WT1: variants seen among roughly 807,000 people sequenced by gnomAD.
The protein encoded by WT1 is Wilms tumor protein.
WT1 carries 8 observed loss-of-function variants against 60.8 expected under a neutral mutation model. The ratio of observed to expected loss-of-function variants is 0.13; its 90% CI spans 0.08 to 0.24. WT1 has a LOEUF of 0.24. WT1 is among the 10% of genes least tolerant of loss of function. The pLI is 1.00. For synonymous variants in WT1, 312 were observed against 297.1 expected, an observed-to-expected ratio of 1.05 and a Z score of -0.52; for missense variants, 568 against 711.8, an observed-to-expected ratio of 0.80 and a Z score of 2.30.
At chr11:32,428,105 CG>C (rs1853124386) in intron 2 of WT1, 47 bp from the exon 3 acceptor site, 2 of 1,522,400 alleles carry the variant, frequency 1.3e-6, no homozygotes, top group Non-Finnish European at 8.9e-7. Flanking sequence ...CCCAAGGGCT[CG>C]GGGTGCGAGG....
intron 7 of WT1, among the ~76,000 whole-genome samples, chr11:32,393,045 T>C (rs559778022): frequency 1.5e-4 from 22 of 151,664 alleles, no homozygotes; most frequent in African/African-American, 5.1e-4. Flanking sequence ...CCAACAACTT[T>C]AAAGGATTTA....
At chr11:32,407,488 G>A (rs563633659) in intron 5 of WT1, among the ~76,000 whole-genome samples, 16 of 152,208 alleles carry the variant, frequency 1.1e-4, no homozygotes, top group African/African-American at 3.4e-4. Context: ...GGGGAATTTC[G>A]GCCTGTCATT....
At position 32,391,956 on chromosome 11, in the gene WT1, A is replaced by G; in HGVS notation, c.1447+16T>C. 6.2e-7 allele frequency: 1 copy of G among 1,609,814 alleles called. No homozygotes were observed. Among genetic ancestry groups the G allele is most frequent in the African/African-American group, 1.3e-5 (1 of 74,952 alleles). ...AAAAAATAATGAAAAATAAATGTGA[A>G]GAAAAGTTTACGCACTTGTTTTACC... On this transcript the variant is annotated intron_variant, in intron 9 of 9. Coordinates refer to ENST00000452863, the MANE Select transcript of WT1 (RefSeq NM_024426.6).
intron 3 of WT1, among the ~76,000 whole-genome samples, chr11:32,425,644 A>C (rs1200945114): frequency 6.6e-6 from 1 of 152,198 alleles, no homozygotes. Flanking sequence ...TGGAGCTTTC[A>C]AGATCCAGAC....
At chr11:32,391,886 T>C in intron 9 of WT1, 86 bp downstream of exon 9, 1 of 1,391,052 alleles carries the variant, frequency 7.2e-7, no homozygotes, top group African/African-American at 1.4e-5. Context: ...TTTACACTAG[T>C]CTTTTCCAAT....
intron 6 of WT1, 64 bp from the exon 7 acceptor site, chr11:32,396,471 G>A (rs1851979450): frequency 8.8e-6 from 14 of 1,599,708 alleles, no homozygotes; most frequent in Non-Finnish European, 1.2e-5. Context: ...CGTAGGTCTT[G>A]AGGGAGAGTG....
intron 1 of WT1, chr11:32,430,764 G>C: frequency 7.5e-7 from 1 of 1,332,688 alleles, no homozygotes; most frequent in Non-Finnish European, 9.6e-7. Flanking sequence ...GCAAAGACCG[G>C]CCTCAAACCC....
chr11:32,390,973 G>GTTTGT (rs144448749), intron 9 of WT1, among the ~76,000 whole-genome samples: 12 of 150,540 alleles, frequency 8.0e-5, no homozygotes, highest in East Asian at 2.0e-4. Context: ...ATTTTTTTTT[G>GTTTGT]TTTGTTTTGT....
chr11:32,407,912 C>T (rs113376818), intron 5 of WT1, among the ~76,000 whole-genome samples: 4,889 of 152,102 alleles, frequency 0.032, 281 homozygotes, highest in African/African-American at 0.11. Flanking sequence ...AAACCCAAAT[C>T]GAATCAAGCC....
chr11:32,433,306 A>G (rs1432151051), intron 1 of WT1, among the ~76,000 whole-genome samples: 1 of 152,236 alleles, frequency 6.6e-6, no homozygotes, highest in Non-Finnish European at 1.5e-5. Flanking sequence ...GTTCCTCCAC[A>G]GGACAGTGAT....
intron 5 of WT1, among the ~76,000 whole-genome samples, chr11:32,403,994 C>A (rs1852234711): frequency 6.6e-6 from 1 of 152,094 alleles, no homozygotes; most frequent in Non-Finnish European, 1.5e-5. Flanking sequence ...GTGACTGAGG[C>A]CGGACATGGT....
intron 5 of WT1, among the ~76,000 whole-genome samples, chr11:32,405,711 G>A (rs1392832095): frequency 6.6e-6 from 1 of 152,060 alleles, no homozygotes; most frequent in Admixed American, 6.6e-5. Flanking sequence ...CAATAGGTCA[G>A]GTAAGTAAAT....
At chr11:32,430,379 G>T in intron 1 of WT1, 1 of 1,218,646 alleles carries the variant, frequency 8.2e-7, no homozygotes. Flanking sequence ...CGGAGTGAAG[G>T]CCGAATTTCT....
intron 7 of WT1, among the ~76,000 whole-genome samples, chr11:32,394,323 C>A (rs1407335062): frequency 6.6e-6 from 1 of 152,170 alleles, no homozygotes; most frequent in Non-Finnish European, 1.5e-5. Flanking sequence ...ACTTTCTCTG[C>A]CCAAACTACC....
chr11:32,391,503 G>C lies in WT1; in HGVS notation c.1447+469C>G, dbSNP rs144632229. Among the ~76,000 whole-genome samples the C allele has an allele frequency of 5.3e-5, 8 of 152,266 alleles. No individual in the cohort carries two copies. The East Asian group carries it at 1.5e-3, about 29-fold the overall frequency. ...GAAATAATATCCACACACTGATACT[G>C]GTCCAGCAGAAACCAAGACCGCTCC... On this transcript the variant is annotated intron_variant, in intron 9 of 9. Transcript: ENST00000452863.
At position 32,416,475 on chromosome 11, in the gene WT1, G is replaced by T. The variant is rs752756426; in HGVS notation, c.1016+15C>A. ...CTACGCCATTTGCTTTGCCATCTCC[G>T]CATTGTCCACTCACTTGCTCTGCCC... On this transcript the variant is annotated intron_variant, in intron 5 of 9. Coordinates refer to ENST00000452863, the MANE Select transcript of WT1 (RefSeq NM_024426.6). 1.2e-6 allele frequency: 2 copies of T among 1,613,960 alleles called. No homozygotes were observed. Among genetic ancestry groups the T allele is most frequent in the East Asian group, 2.2e-5 (1 of 44,872 alleles).
intron 5 of WT1, among the ~76,000 whole-genome samples, chr11:32,412,204 G>T (rs1415914141): frequency 6.6e-6 from 1 of 152,150 alleles, no homozygotes; most frequent in Admixed American, 6.5e-5. Context: ...TGTCTAGCGG[G>T]GATTTTCTCC....
At chr11:32,417,484 A>T in intron 4 of WT1, 93 bp downstream of exon 4, 1 of 1,183,638 alleles carries the variant, frequency 8.4e-7, no homozygotes, top group Non-Finnish European at 1.3e-6. Flanking sequence ...TTCTTCTAAA[A>T]CTGTACTTTC....
intron 5 of WT1, among the ~76,000 whole-genome samples, chr11:32,409,759 T>A (rs1292272138): frequency 6.6e-6 from 1 of 152,094 alleles, no homozygotes; most frequent in Non-Finnish European, 1.5e-5. Flanking sequence ...AGAACTCTTA[T>A]AAATTAATAT....
Sources: gnomAD v4.1 joint callset for allele counts (sites outside exome capture counted in the v4.1 genomes callset) on GRCh38, gnomAD v4.1.1 for gene constraint, MANE v1.5 for transcripts, NCBI Gene and HGNC (gene_info 2026-07-23, HGNC 2026-07-21) for gene names.